The following ANKRD55 variants were observed in gnomAD, a reference collection of about 807,000 sequenced individuals.
ANKRD55 encodes ankyrin repeat domain-containing protein 55.
Under a neutral mutation model 60.6 loss-of-function variants are expected in ANKRD55, and 41 were observed. That is an observed-to-expected ratio of 0.68 (90% CI 0.53 to 0.88). ANKRD55 has a LOEUF of 0.88. ANKRD55 is among the 40% of genes least tolerant of loss of function. ANKRD55 has a pLI of 0.00. For missense variants in ANKRD55, 732 were observed against 767.6 expected (o/e 0.95, Z 0.55); for synonymous variants, 264 against 290.3 (o/e 0.91, Z 0.92).
chr5:56,137,391 T>C, intron 7 of ANKRD55: 2 of 999,808 alleles, frequency 2.0e-6, no homozygotes, highest in South Asian at 2.5e-5. Flanking sequence ...GATTAACCCA[T>C]ACATGAGCTC....
chr5:56,119,909 C>T (rs919098137), intron 8 of ANKRD55, among the ~76,000 whole-genome samples: 5 of 152,124 alleles, frequency 3.3e-5, no homozygotes, highest in Admixed American at 1.3e-4. Flanking sequence ...TGGAGCGAGA[C>T]CCTGTCTCAA....
chr5:56,137,316 A>G, intron 7 of ANKRD55: 1 of 1,551,320 alleles, frequency 6.4e-7, no homozygotes, highest in Middle Eastern at 2.3e-4. Flanking sequence ...TTATCTGGTC[A>G]TTGAGCATAT....
chr5:56,201,576 T>G (rs1272071739), intron 2 of ANKRD55, among the ~76,000 whole-genome samples: 1 of 152,212 alleles, frequency 6.6e-6, no homozygotes, highest in African/African-American at 2.4e-5. Context: ...CTTAGGCAAG[T>G]TGCTTAACAT....
chr5:56,182,604 G>T (rs6884374), intron 3 of ANKRD55, among the ~76,000 whole-genome samples: 4,769 of 152,132 alleles, frequency 0.031, 266 homozygotes, highest in African/African-American at 0.11. Context: ...TTTTCATTCA[G>T]TTTGGGATCT....
intron 9 of ANKRD55, among the ~76,000 whole-genome samples, chr5:56,113,986 CTATATATATA>C (rs3055156): frequency 0.017 from 2,300 of 139,146 alleles, 48 homozygotes; most frequent in African/African-American, 0.044. Flanking sequence ...AATATGTATA[CTATATATATA>C]TATATATATA....
chr5:56,218,369 G>A (rs1025188934), intron 2 of ANKRD55, among the ~76,000 whole-genome samples: 3 of 152,098 alleles, frequency 2.0e-5, no homozygotes, highest in South Asian at 2.1e-4. Flanking sequence ...AATTGATGCA[G>A]CAAACTTTAT....
intron 2 of ANKRD55, among the ~76,000 whole-genome samples, chr5:56,208,419 A>G (rs1414957546): frequency 6.7e-6 from 1 of 148,360 alleles, no homozygotes; most frequent in Admixed American, 6.7e-5. Context: ...AAAAATATTT[A>G]TTTATTTATT....
chr5:56,215,271 G>T (rs113670877), intron 2 of ANKRD55, among the ~76,000 whole-genome samples: 1 of 152,044 alleles, frequency 6.6e-6, no homozygotes, highest in Non-Finnish European at 1.5e-5. Context: ...TATCTAGTTC[G>T]CATCACATCA....
chr5:56,193,308 C>A, intron 2 of ANKRD55: 1 of 1,029,488 alleles, frequency 9.7e-7, no homozygotes, highest in Non-Finnish European at 1.4e-6. Context: ...AATGTAGAAG[C>A]AGGAGATTCC....
At chr5:56,221,068 C>G (rs956712319) in intron 2 of ANKRD55, among the ~76,000 whole-genome samples, 1 of 152,150 alleles carries the variant, frequency 6.6e-6, no homozygotes, top group Non-Finnish European at 1.5e-5. Flanking sequence ...TCACAGAATT[C>G]TCCTCAATGT....
chr5:56,198,273 C>T (rs1759272484), intron 2 of ANKRD55, among the ~76,000 whole-genome samples: 1 of 151,908 alleles, frequency 6.6e-6, no homozygotes, highest in Non-Finnish European at 1.5e-5. Context: ...TAAATTAATT[C>T]TGCATCTACA....
chr5:56,106,764 G>T (rs989550771), intron 10 of ANKRD55, among the ~76,000 whole-genome samples: 2 of 152,002 alleles, frequency 1.3e-5, no homozygotes, highest in African/African-American at 4.8e-5. Context: ...CCAGCATTTT[G>T]GGAGGCCAAG....
At chr5:56,167,046 A>G (rs1290118205) in intron 5 of ANKRD55, among the ~76,000 whole-genome samples, 1 of 152,372 alleles carries the variant, frequency 6.6e-6, no homozygotes, top group East Asian at 1.9e-4. Context: ...CAACTATAAA[A>G]TATGTAATTT....
intron 6 of ANKRD55, among the ~76,000 whole-genome samples, chr5:56,151,949 A>C (rs946158733): frequency 6.7e-6 from 1 of 149,084 alleles, no homozygotes; most frequent in Non-Finnish European, 1.5e-5. Flanking sequence ...GTGTGTGTAT[A>C]TATATATAAA....
chr5:56,149,438 C>T (rs138932476), intron 6 of ANKRD55, among the ~76,000 whole-genome samples: 309 of 152,214 alleles, frequency 2.0e-3, no homozygotes, highest in African/African-American at 7.2e-3. Flanking sequence ...AACAATAAAA[C>T]GAACTTAGGC....
At chr5:56,232,106 A>G (rs1446392891) in intron 2 of ANKRD55, among the ~76,000 whole-genome samples, 1 of 152,228 alleles carries the variant, frequency 6.6e-6, no homozygotes, top group East Asian at 1.9e-4. Context: ...TATACTAAAA[A>G]AAGATTTACT....
At chr5:56,134,733 A>G (rs1757512710) in intron 7 of ANKRD55, among the ~76,000 whole-genome samples, 1 of 152,212 alleles carries the variant, frequency 6.6e-6, no homozygotes, top group Non-Finnish European at 1.5e-5. Flanking sequence ...ATAGAAGCCT[A>G]GGGAACTTCC....
chr5:56,121,628 C>T (rs1034563052), intron 8 of ANKRD55, among the ~76,000 whole-genome samples: 1 of 151,880 alleles, frequency 6.6e-6, no homozygotes, highest in African/African-American at 2.4e-5. Flanking sequence ...GCCTGGGCCT[C>T]CCAAAGTGCT....
At chr5:56,212,688 C>T (rs1176834205) in intron 2 of ANKRD55, among the ~76,000 whole-genome samples, 1 of 152,136 alleles carries the variant, frequency 6.6e-6, no homozygotes, top group African/African-American at 2.4e-5. Flanking sequence ...ACAACTTTCC[C>T]AGAGTTGCAC....
Sources: gnomAD v4.1 joint callset for allele counts (sites outside exome capture counted in the v4.1 genomes callset) on GRCh38, gnomAD v4.1.1 for gene constraint, MANE v1.5 for transcripts, NCBI Gene and HGNC (gene_info 2026-07-23, HGNC 2026-07-21) for gene names.